Variants in PELI2 observed in about 807,000 individuals in gnomAD.
The protein encoded by PELI2 is pellino E3 ubiquitin protein ligase family member 2.
PELI2 carries 23 observed loss-of-function variants against 42.3 expected under a neutral mutation model. The ratio of observed to expected loss-of-function variants is 0.54; its 90% CI spans 0.39 to 0.77. The LOEUF is 0.77. Ranked by LOEUF, PELI2 falls within the 30% of genes least tolerant of loss-of-function variation. PELI2 has a pLI of 0.00. For missense variants in PELI2, 463 were observed against 553.2 expected, an observed-to-expected ratio of 0.84 and a Z score of 1.64; for synonymous variants, 245 against 212.2, an observed-to-expected ratio of 1.15 and a Z score of -1.34.
chr14:56,283,002 CTACTGTGATGG>C (rs1889530480), intron 3 of PELI2, among the ~76,000 whole-genome samples: 1 of 152,170 alleles, frequency 6.6e-6, no homozygotes, highest in African/African-American at 2.4e-5. Context: ...AATTCAAAAA[CTACTGTGATGG>C]TACCTGTTAT....
intron 5 of PELI2, among the ~76,000 whole-genome samples, chr14:56,292,036 A>G (rs563856221): frequency 5.9e-5 from 9 of 152,230 alleles, no homozygotes; most frequent in Non-Finnish European, 1.3e-4. Flanking sequence ...CCAGGAGGGC[A>G]TATCACAGGA....
At chr14:56,178,530 G>C in intron 2 of PELI2, 66 bp downstream of exon 2, 6 of 1,543,054 alleles carry the variant, frequency 3.9e-6, no homozygotes, top group Non-Finnish European at 4.5e-6. Context: ...CTCCTTGTCC[G>C]CTGCTCTCTT....
chr14:56,254,299 TG>T (rs1888450178), intron 2 of PELI2, among the ~76,000 whole-genome samples: 1 of 149,798 alleles, frequency 6.7e-6, no homozygotes, highest in South Asian at 2.1e-4. Context: ...TTCGGAAGGC[TG>T]GGGCAGGAGA....
At chr14:56,261,109 C>A (rs1282820369) in intron 2 of PELI2, among the ~76,000 whole-genome samples, 1 of 151,760 alleles carries the variant, frequency 6.6e-6, no homozygotes, top group Middle Eastern at 3.2e-3. Flanking sequence ...CCCAGTTATT[C>A]AAGTTTGGTA....
intron 2 of PELI2, among the ~76,000 whole-genome samples, chr14:56,207,159 A>C (rs1886547145): frequency 6.6e-6 from 1 of 152,156 alleles, no homozygotes; most frequent in Non-Finnish European, 1.5e-5. Flanking sequence ...AGATTACTAG[A>C]TTACTAGTAT....
rs1329641972 is a variant in PELI2, at chr14:56,273,794, C to G, written c.208-5882C>G. Among the ~76,000 whole-genome samples, 1 of 152,152 alleles carries G rather than the reference C, an allele frequency of 6.6e-6. No individual in the cohort carries two copies. Among genetic ancestry groups the G allele is most frequent in the African/African-American group, 2.4e-5 (1 of 41,434 alleles). ...AGAAGGAGAAAATGTTTGAACCAAACCATGTAATGATGCTGTACACTGCAA... is the reference window on the plus strand; with the variant it reads ...AGAAGGAGAAAATGTTTGAACCAAAGCATGTAATGATGCTGTACACTGCAA... On this transcript the variant is annotated intron_variant, in intron 2 of 5. Transcript: ENST00000267460. The surrounding 1 kb of genome is among the most constrained non-coding windows in gnomAD (Gnocchi z 4.3).
chr14:56,178,518 T>C, intron 2 of PELI2, 54 bp downstream of exon 2: 2 of 1,591,058 alleles, frequency 1.3e-6, no homozygotes, highest in Non-Finnish European at 1.7e-6. Flanking sequence ...GACTCACAGA[T>C]ACTCCTTGTC....
chr14:56,259,207 C>T (rs548088824), intron 2 of PELI2, among the ~76,000 whole-genome samples: 38 of 151,852 alleles, frequency 2.5e-4, no homozygotes, highest in Middle Eastern at 6.8e-3. Flanking sequence ...CACACCTGCA[C>T]GACAAAAAAT....
chr14:56,294,919 G>A (rs1889950042), intron 5 of PELI2, among the ~76,000 whole-genome samples: 1 of 152,174 alleles, frequency 6.6e-6, no homozygotes, highest in Non-Finnish European at 1.5e-5. Flanking sequence ...GCCCAGAGAG[G>A]TTAAGTCGTT....
At position 56,288,388 on chromosome 14, in the gene PELI2, G is replaced by A. The variant is rs1395166802; in HGVS notation, c.310-49G>A. Reference sequence around the variant, plus strand: ...GCTTTTTCCTTGTGAATAAAATACGGCACCCTGCTATTTTCCAAGTGAATC... The same window carrying A: ...GCTTTTTCCTTGTGAATAAAATACGACACCCTGCTATTTTCCAAGTGAATC... On this transcript the variant is annotated intron_variant, in intron 3 of 5. Transcript: ENST00000267460. The surrounding 1 kb of genome is among the most constrained non-coding windows in gnomAD (Gnocchi z 4.6). 1.4e-6 allele frequency: 2 copies of A among 1,402,116 alleles called. No homozygotes were observed. The highest frequency in any genetic ancestry group is 2.0e-6 in the Non-Finnish European group (2 of 995,648). 86.9% of individuals were successfully genotyped at this position (1,402,116 alleles called of 1,614,324 possible).
chr14:56,222,733 A>G (rs1887189583), intron 2 of PELI2, among the ~76,000 whole-genome samples: 1 of 152,190 alleles, frequency 6.6e-6, no homozygotes, highest in Non-Finnish European at 1.5e-5. Context: ...TGGTGAATGG[A>G]TGGTCCTCTT....
At position 56,153,379 on chromosome 14, in the gene PELI2, A is replaced by G. The variant is rs527807760; in HGVS notation, c.78-24956A>G. Among the ~76,000 whole-genome samples the G allele has an allele frequency of 5.9e-5, 9 of 152,286 alleles. No homozygotes were observed. The South Asian group carries it at 1.0e-3, about 18-fold the overall frequency. Reference sequence around the variant, plus strand: ...TGTCATTAGAGTCAAACTTAAAGATAAAGCTTACTACCCTGTTCAGCTAGA... The same window carrying G: ...TGTCATTAGAGTCAAACTTAAAGATGAAGCTTACTACCCTGTTCAGCTAGA... On this transcript the variant is annotated intron_variant, in intron 1 of 5. Coordinates refer to ENST00000267460, the MANE Select transcript of PELI2 (RefSeq NM_021255.3).
At position 56,197,199 on chromosome 14, in the gene PELI2, A is replaced by G. The variant is rs906342161; in HGVS notation, c.207+18735A>G. On this transcript the variant is annotated intron_variant, in intron 2 of 5. Coordinates refer to ENST00000267460, the MANE Select transcript of PELI2 (RefSeq NM_021255.3). The surrounding 1 kb of genome is among the most constrained non-coding windows in gnomAD (Gnocchi z 4.9). Reference sequence around the variant, plus strand: ...GAAATCAAACAAATAAATATATAATATTCATTGGTGCTCAGCACTGTCAAG... The same window carrying G: ...GAAATCAAACAAATAAATATATAATGTTCATTGGTGCTCAGCACTGTCAAG... Among the ~76,000 whole-genome samples the G allele has an allele frequency of 1.3e-5, 2 of 152,216 alleles. No individual in the cohort carries two copies. The highest frequency in any genetic ancestry group is 4.8e-5 in the African/African-American group (2 of 41,466).
At chr14:56,133,042 A>C (rs866245391) in intron 1 of PELI2, among the ~76,000 whole-genome samples, 45 of 152,074 alleles carry the variant, frequency 3.0e-4, no homozygotes, top group Non-Finnish European at 4.7e-4. Context: ...TGGAAGAAAA[A>C]TTTTTCCAAA....
intron 1 of PELI2, among the ~76,000 whole-genome samples, chr14:56,171,665 G>C (rs1055712823): frequency 6.6e-6 from 1 of 152,170 alleles, no homozygotes; most frequent in African/African-American, 2.4e-5. Flanking sequence ...GTGTGAATAG[G>C]CAGGGGAAGA....
chr14:56,246,546 G>A (rs1888168617), intron 2 of PELI2, among the ~76,000 whole-genome samples: 1 of 152,136 alleles, frequency 6.6e-6, no homozygotes, highest in Non-Finnish European at 1.5e-5. Context: ...CAGGACAAGC[G>A]TGGTCTACCA....
intron 2 of PELI2, among the ~76,000 whole-genome samples, chr14:56,266,678 A>G (rs1888917410): frequency 6.6e-6 from 1 of 152,036 alleles, no homozygotes; most frequent in Admixed American, 6.5e-5. Context: ...GTAGTTTGAC[A>G]ATAACTATCA....
At chr14:56,209,481 A>G (rs1886638545) in intron 2 of PELI2, among the ~76,000 whole-genome samples, 1 of 152,250 alleles carries the variant, frequency 6.6e-6, no homozygotes, top group African/African-American at 2.4e-5. Flanking sequence ...AAAATGTAAA[A>G]CAACATCACT....
intron 2 of PELI2, among the ~76,000 whole-genome samples, chr14:56,233,243 G>GA (rs1339793921): frequency 6.6e-6 from 1 of 152,106 alleles, no homozygotes; most frequent in Non-Finnish European, 1.5e-5. Flanking sequence ...CACAGAATTG[G>GA]AAAAAACTAC....
Sources: gnomAD v4.1 joint callset for allele counts (sites outside exome capture counted in the v4.1 genomes callset) on GRCh38, gnomAD v4.1.1 for gene constraint, Gnocchi (gnomAD v3.1) non-coding constraint, MANE v1.5 for transcripts, NCBI Gene and HGNC (gene_info 2026-07-23, HGNC 2026-07-21) for gene names.